PCDH15: variants seen among roughly 807,000 people sequenced by gnomAD.
PCDH15 encodes protocadherin-15.
In PCDH15, 129 loss-of-function variants were observed where a neutral mutation model predicts 178.5. The ratio of observed to expected loss-of-function variants is 0.72; its 90% CI spans 0.63 to 0.84. The LOEUF (loss-of-function observed/expected upper bound fraction) is 0.84, where lower values mean the gene tolerates loss of function less well. PCDH15 is among the 40% of genes least tolerant of loss of function. The pLI, the probability that PCDH15 is intolerant of heterozygous loss-of-function variation, is 0.00. For missense variants in PCDH15, 2,230 were observed against 2,099.9 expected (o/e 1.06, Z -1.21); for synonymous variants, 800 against 732.0 (o/e 1.09, Z -1.50).
At chr10:54,258,223 T>A (rs750798296) in intron 8 of PCDH15, among the ~76,000 whole-genome samples, 2 of 152,162 alleles carry the variant, frequency 1.3e-5, no homozygotes, top group Non-Finnish European at 2.9e-5. Context: ...GTGAATTAGA[T>A]TGATGTCTTG....
rs190492244 is a variant in PCDH15 at position 55,206,343 on chromosome 10, G to A, written c.-155-39692C>T. ...GTTGTGATCTAGCTTTTGCTTGGAT[G>A]GAGTGATAAAAGATCACTACTTTTC... On this transcript the variant is annotated intron_variant, in intron 1 of 5. Transcript: ENST00000458638. Among the ~76,000 whole-genome samples the A allele has an allele frequency of 5.3e-5, 8 of 152,186 alleles. No individual in the cohort carries two copies. In the East Asian group the frequency reaches 1.2e-3, roughly 22 times the overall value.
chr10:54,200,527 A>G (rs1051629966), intron 10 of PCDH15, among the ~76,000 whole-genome samples: 3 of 151,892 alleles, frequency 2.0e-5, no homozygotes, highest in Non-Finnish European at 4.4e-5. Context: ...GCTCACCTTC[A>G]TCTGTATTCA....
intron 1 of PCDH15, among the ~76,000 whole-genome samples, chr10:55,261,874 A>C (rs1437605018): frequency 6.6e-6 from 1 of 152,124 alleles, no homozygotes; most frequent in Non-Finnish European, 1.5e-5. Context: ...ATTAAAAGCC[A>C]ATTGTTATTG....
chr10:54,937,510 C>T (rs138356701), intron 2 of PCDH15, among the ~76,000 whole-genome samples: 44 of 151,776 alleles, frequency 2.9e-4, no homozygotes, highest in African/African-American at 8.9e-4. Flanking sequence ...TTCTCTAGTT[C>T]GCCGTGTCTA....
At chr10:55,546,262 C>T (rs1033420300) in intron 2 of PCDH15, among the ~76,000 whole-genome samples, 5 of 151,894 alleles carry the variant, frequency 3.3e-5, no homozygotes, top group South Asian at 4.2e-4. Context: ...TTGATATTTC[C>T]GACTGTTGCT....
chr10:55,556,634 C>A lies in PCDH15; in HGVS notation c.-156+70991G>T, dbSNP rs1044562248. ...TCACTTAAGGTCCGGAGTTTGAGAT[C>A]AGCCTGGCCAATATGGTGAAACCCT... On this transcript the variant is annotated intron_variant, in intron 2 of 5. Coordinates refer to the PCDH15 transcript ENST00000613346. Among the ~76,000 whole-genome samples the A allele has an allele frequency of 2.6e-5, 4 of 152,024 alleles. No individual in the cohort carries two copies. The East Asian group carries it at 7.8e-4, about 30-fold the overall frequency.
intron 1 of PCDH15, among the ~76,000 whole-genome samples, chr10:55,300,215 C>A (rs1414724930): frequency 6.6e-6 from 1 of 152,086 alleles, no homozygotes; most frequent in Non-Finnish European, 1.5e-5. Context: ...CCAAATTTAA[C>A]CTACTATTCT....
rs71014444 is a variant in PCDH15, at chr10:55,052,537, CAAAAAAAAAAAAAAA to C, written c.-80+114024_-80+114038del. On this transcript the variant is annotated intron_variant, in intron 2 of 5. Transcript: ENST00000458638. Reference sequence around the variant, plus strand: ...AACATGGCGAAAACCCCGTCTCATACAAAAAAAAAAAAAAAAAAAAAAAAAAAAGCTAGGCATGGT... The same window carrying C: ...AACATGGCGAAAACCCCGTCTCATACAAAAAAAAAAAAAGCTAGGCATGGT... 9.7e-3 allele frequency among the ~76,000 whole-genome samples: 380 copies of C among 39,376 alleles called. 11 individuals carry two copies. The highest frequency in any genetic ancestry group is 0.032 in the African/African-American group (367 of 11,416). 25.8% of individuals were successfully genotyped at this position (39,376 alleles called of 152,430 possible). A position where few individuals can be genotyped will look rare whatever the true frequency, so the allele number is the denominator to read the frequency against.
intron 20 of PCDH15, among the ~76,000 whole-genome samples, chr10:54,003,726 C>CAA (rs1832401178): frequency 1.1e-5 from 1 of 88,916 alleles, no homozygotes; most frequent in Admixed American, 1.7e-4. Flanking sequence ...TAATCTTACT[C>CAA]AAACTATTCC....
rs1347306483 is a variant in PCDH15, at chr10:54,099,513, A to AAAAAATAT, written c.1918-9451_1918-9450insATATTTTT. 1.5e-3 allele frequency among the ~76,000 whole-genome samples: 173 copies of AAAAAATAT among 117,838 alleles called. 4 individuals carry two copies. Among genetic ancestry groups the AAAAAATAT allele is most frequent in the East Asian group, 5.9e-3 (23 of 3,928 alleles). The allele number at this position is 117,838 out of a possible 152,430, so 77.3% of individuals were successfully genotyped here. A position where few individuals can be genotyped will look rare whatever the true frequency, so the allele number is the denominator to read the frequency against. ...GACTCCATCTCAAAAAAAAAAAAAA[A>AAAAAATAT]ATATATATATATATATATAAAACAA... On this transcript the variant is annotated intron_variant, in intron 15 of 37. Transcript: ENST00000644397.
At chr10:55,121,069 A>G (rs542069446) in intron 2 of PCDH15, among the ~76,000 whole-genome samples, 1 of 152,218 alleles carries the variant, frequency 6.6e-6, no homozygotes, top group South Asian at 2.1e-4. Context: ...AGCTGCAGGC[A>G]CTCAACTCCA....
chr10:54,068,109 C>G (rs1373756893), intron 17 of PCDH15, among the ~76,000 whole-genome samples: 1 of 152,024 alleles, frequency 6.6e-6, no homozygotes, highest in Non-Finnish European at 1.5e-5. Flanking sequence ...CAAATGTAAA[C>G]CCAGTATTGA....
chr10:53,867,711 G>A (rs567657960), intron 26 of PCDH15, among the ~76,000 whole-genome samples: 162 of 152,094 alleles, frequency 1.1e-3, no homozygotes, highest in African/African-American at 3.0e-3. Flanking sequence ...TTTTGATGTA[G>A]TATATAGCCT....
rs535839786 is a variant in PCDH15 at position 54,730,957 on chromosome 10, C to A, written c.-28-66667G>T. Among the ~76,000 whole-genome samples the A allele has an allele frequency of 4.0e-5, 6 of 151,228 alleles. No individual in the cohort carries two copies. In the South Asian group the frequency reaches 6.2e-4, roughly 16 times the overall value. ...CCTTCTGCACAGAAAAGAAAACAAT[C>A]TAGAAAGTAAAGAGACAGCCAGAGA... is the stretch of plus-strand genomic sequence containing the variant. On this transcript the variant is annotated intron_variant, in intron 1 of 37. Coordinates refer to ENST00000644397, the MANE Select transcript of PCDH15 (RefSeq NM_001384140.1).
intron 8 of PCDH15, among the ~76,000 whole-genome samples, chr10:54,313,345 A>G (rs907109467): frequency 2.6e-5 from 4 of 152,128 alleles, no homozygotes; most frequent in African/African-American, 7.2e-5. Context: ...TGAAGACTGA[A>G]TAAGTTTTAT....
intron 2 of PCDH15, among the ~76,000 whole-genome samples, chr10:55,129,808 G>A (rs529739660): frequency 1.3e-5 from 2 of 151,946 alleles, no homozygotes; most frequent in Non-Finnish European, 2.9e-5. Flanking sequence ...ATACAAAAAT[G>A]GATAAAACAT....
chr10:55,134,914 G>A (rs563554851), intron 2 of PCDH15, among the ~76,000 whole-genome samples: 1 of 152,228 alleles, frequency 6.6e-6, no homozygotes, highest in African/African-American at 2.4e-5. Context: ...TCTTCAGTAA[G>A]ATAGATTTGG....
intron 9 of PCDH15, among the ~76,000 whole-genome samples, chr10:54,228,886 A>T (rs1054279684): frequency 6.6e-6 from 1 of 152,164 alleles, no homozygotes; most frequent in Non-Finnish European, 1.5e-5. Flanking sequence ...ACATGCCTTA[A>T]ATCAGTCAAG....
intron 2 of PCDH15, among the ~76,000 whole-genome samples, chr10:55,092,023 C>A (rs1431099820): frequency 6.6e-6 from 1 of 151,776 alleles, no homozygotes; most frequent in Non-Finnish European, 1.5e-5. Flanking sequence ...TCCCTCATTC[C>A]ATTTTTCACA....
Sources: gnomAD v4.1 joint callset for allele counts (sites outside exome capture counted in the v4.1 genomes callset) on GRCh38, gnomAD v4.1.1 for gene constraint, MANE v1.5 for transcripts, NCBI Gene and HGNC (gene_info 2026-07-23, HGNC 2026-07-21) for gene names.